SLC11A2: variants seen among roughly 807,000 people sequenced by gnomAD.
SLC11A2 encodes solute carrier family 11 member 2.
In SLC11A2, 38 loss-of-function variants were observed where a neutral mutation model predicts 68.0. The ratio of observed to expected loss-of-function variants is 0.56; its 90% CI spans 0.43 to 0.73. The LOEUF (loss-of-function observed/expected upper bound fraction) is 0.73, where lower values mean the gene tolerates loss of function less well. Ranked by LOEUF, SLC11A2 falls within the 30% of genes least tolerant of loss-of-function variation. The pLI is 0.00. For synonymous variants in SLC11A2, 242 were observed against 250.6 expected (o/e 0.97, Z 0.32); for missense variants, 517 against 690.5 (o/e 0.75, Z 2.82).
chr12:50,952,815 T>G, the SLC11A2 span, among the ~76,000 whole-genome samples: 1 of 152,204 alleles, frequency 6.6e-6, no homozygotes, highest in Non-Finnish European at 1.5e-5. Flanking sequence ...GCAAGAATCC[T>G]GGCCTCTGAT....
At chr12:50,961,737 C>T in the SLC11A2 span, among the ~76,000 whole-genome samples, 2 of 152,120 alleles carry the variant, frequency 1.3e-5, no homozygotes, top group East Asian at 1.9e-4. Flanking sequence ...ATTTGTTTGG[C>T]CTACATTAAT....
At chr12:51,014,375 T>C (rs1163348062) in intron 1 of SLC11A2, 4 of 152,202 alleles carry the variant, frequency 2.6e-5, no homozygotes, top group African/African-American at 7.2e-5. Context: ...ATTAGTGATA[T>C]TCTAAGTTCA....
chr12:51,003,770 A>G (rs1356284404), intron 5 of SLC11A2, among the ~76,000 whole-genome samples: 1 of 150,550 alleles, frequency 6.6e-6, no homozygotes, highest in Non-Finnish European at 1.5e-5. Flanking sequence ...TCCACAAAAA[A>G]AAAAAAAAAA....
chr12:50,982,980 C>A (rs1940192336), downstream of SLC11A2, among the ~76,000 whole-genome samples: 1 of 151,274 alleles, frequency 6.6e-6, no homozygotes, highest in Non-Finnish European at 1.5e-5. Flanking sequence ...GACTCCACTC[C>A]TAAAGAACTG....
chr12:50,962,777 G>A, the SLC11A2 span, among the ~76,000 whole-genome samples: 2 of 152,158 alleles, frequency 1.3e-5, no homozygotes, highest in Non-Finnish European at 2.9e-5. Flanking sequence ...GAGGCCAGAG[G>A]AGGCTTCTTT....
chr12:51,016,930 C>G (rs910578345), intron 1 of SLC11A2, among the ~76,000 whole-genome samples: 2 of 149,206 alleles, frequency 1.3e-5, no homozygotes, highest in East Asian at 2.0e-4. Flanking sequence ...GGAGGATCAC[C>G]TGAGTCTGGG....
upstream of SLC11A2, chr12:51,028,117 G>A: frequency 2.8e-6 from 3 of 1,087,642 alleles, no homozygotes; most frequent in Non-Finnish European, 2.6e-6. Context: ...AAAATTGCTA[G>A]AGCTGTACTT....
intron 1 of SLC11A2, among the ~76,000 whole-genome samples, chr12:51,011,558 T>TTC (rs1011101141): frequency 6.7e-6 from 1 of 149,584 alleles, no homozygotes; most frequent in African/African-American, 2.5e-5. Context: ...AGTTGTTTTT[T>TTC]TTTGTTTTTT....
chr12:50,962,157 G>A, the SLC11A2 span, among the ~76,000 whole-genome samples: 233 of 152,120 alleles, frequency 1.5e-3, 4 homozygotes, highest in Admixed American at 0.011. Context: ...ATGCCGAGGC[G>A]GGCAGATCAA....
chr12:50,960,946 C>G, the SLC11A2 span: 1 of 1,545,396 alleles, frequency 6.5e-7, no homozygotes, highest in Non-Finnish European at 8.7e-7. Flanking sequence ...TTCCAAATAA[C>G]CCATACTTTT....
chr12:50,990,677 T>G, intron 15 of SLC11A2, 118 bp downstream of exon 15: 1 of 1,036,142 alleles, frequency 9.7e-7, no homozygotes, highest in East Asian at 2.4e-5. Context: ...CCCAAAGTAC[T>G]GGGATTATAG....
intron 11 of SLC11A2, among the ~76,000 whole-genome samples, chr12:50,993,964 C>G (rs1270123740): frequency 2.2e-5 from 3 of 134,830 alleles, no homozygotes; most frequent in East Asian, 4.4e-4. Context: ...TGTACCCCAG[C>G]CTGGGCAACA....
At chr12:51,019,835 T>C (rs561534861) in intron 1 of SLC11A2, among the ~76,000 whole-genome samples, 7 of 151,876 alleles carry the variant, frequency 4.6e-5, no homozygotes, top group African/African-American at 1.7e-4. Flanking sequence ...TGTAGAGACA[T>C]GGTTTCACCA....
chr12:50,998,284 G>A (rs887158691), intron 8 of SLC11A2, among the ~76,000 whole-genome samples: 2 of 152,086 alleles, frequency 1.3e-5, no homozygotes, highest in African/African-American at 4.8e-5. Flanking sequence ...ACTTGAACCT[G>A]GGAGGCGGAG....
the SLC11A2 span, among the ~76,000 whole-genome samples, chr12:50,973,018 C>T: frequency 2.0e-5 from 3 of 152,302 alleles, no homozygotes; most frequent in East Asian, 3.9e-4. Flanking sequence ...TGGAGCTCAC[C>T]GCAGCTCAAG....
At chr12:50,994,301 C>G (rs1198812041) in intron 11 of SLC11A2, among the ~76,000 whole-genome samples, 1 of 152,180 alleles carries the variant, frequency 6.6e-6, no homozygotes, top group Non-Finnish European at 1.5e-5. Context: ...CCCGCCTCAG[C>G]CTCCCAAAGT....
chr12:50,994,316 G>T (rs1941492470), intron 11 of SLC11A2, among the ~76,000 whole-genome samples: 1 of 152,050 alleles, frequency 6.6e-6, no homozygotes, highest in East Asian at 1.9e-4. Context: ...CAAAGTGCTG[G>T]GATTACAGGC....
chr12:50,995,543 A>C, intron 10 of SLC11A2, 86 bp downstream of exon 10: 2 of 1,272,082 alleles, frequency 1.6e-6, no homozygotes, highest in South Asian at 2.4e-5. Flanking sequence ...CATTAACACT[A>C]GGATGAGGTA....
chr12:51,027,477 C>T (rs891269806), upstream of SLC11A2, among the ~76,000 whole-genome samples: 1 of 151,950 alleles, frequency 6.6e-6, no homozygotes, highest in Non-Finnish European at 1.5e-5. Flanking sequence ...GTTTGACCGC[C>T]TTAGGTGTCC....
Sources: allele counts gnomAD v4.1 joint callset (sites outside exome capture counted in the v4.1 genomes callset), GRCh38; gene constraint gnomAD v4.1.1; transcripts MANE v1.5; gene names NCBI Gene and HGNC (gene_info 2026-07-23, HGNC 2026-07-21).